Variants in PRKAR2A observed in about 807,000 individuals in gnomAD.
PRKAR2A encodes cAMP-dependent protein kinase type II-alpha regulatory subunit.
A neutral mutation model predicts 51.9 loss-of-function variants in PRKAR2A; 29 were observed. The ratio of observed to expected loss-of-function variants is 0.56; its 90% CI spans 0.42 to 0.76. The LOEUF is 0.76. Among genes scored for constraint, PRKAR2A ranks in the 30% least tolerant of loss-of-function variants. The pLI, the probability that PRKAR2A is intolerant of heterozygous loss-of-function variation, is 0.00. For missense variants in PRKAR2A, 445 were observed against 512.1 expected (o/e 0.87, Z 1.26); for synonymous variants, 178 against 186.2 (o/e 0.96, Z 0.36).
At chr3:48,784,208 A>G (rs886610994) in intron 4 of PRKAR2A, among the ~76,000 whole-genome samples, 6 of 152,192 alleles carry the variant, frequency 3.9e-5, no homozygotes, top group African/African-American at 9.7e-5. Context: ...GTCACTAAAG[A>G]ATACCAGGTT....
At chr3:48,815,094 A>T (rs1178638646) in intron 1 of PRKAR2A, among the ~76,000 whole-genome samples, 2 of 151,914 alleles carry the variant, frequency 1.3e-5, no homozygotes, top group Non-Finnish European at 2.9e-5. Flanking sequence ...TTGTATTTTC[A>T]GTAGAGACAG....
chr3:48,820,287 T>TA (rs1364517464), intron 1 of PRKAR2A, among the ~76,000 whole-genome samples: 1 of 152,162 alleles, frequency 6.6e-6, no homozygotes, highest in Non-Finnish European at 1.5e-5. Context: ...ACCAATGGAA[T>TA]AAGACACGGA....
At chr3:48,846,240 G>A (rs1384497149) in intron 1 of PRKAR2A, among the ~76,000 whole-genome samples, 2 of 149,040 alleles carry the variant, frequency 1.3e-5, no homozygotes, top group Non-Finnish European at 3.0e-5. Context: ...TTTTTGAGAC[G>A]GAGTTCGCTC....
At chr3:48,815,345 T>C (rs1229195757) in intron 1 of PRKAR2A, among the ~76,000 whole-genome samples, 1 of 149,822 alleles carries the variant, frequency 6.7e-6, no homozygotes, top group Non-Finnish European at 1.5e-5. Flanking sequence ...TTATATATTA[T>C]ATATATATAT....
chr3:48,820,157 C>T (rs532154272), intron 1 of PRKAR2A, among the ~76,000 whole-genome samples: 2 of 152,304 alleles, frequency 1.3e-5, no homozygotes, highest in Admixed American at 6.5e-5. Flanking sequence ...CAGAATAGCT[C>T]GCTCTTTAGT....
chr3:48,751,594 G>A lies in PRKAR2A; in HGVS notation c.1206C>T (p.Leu402=), dbSNP rs143784793. 1.9e-4 allele frequency: 308 copies of A among 1,611,974 alleles called. No individual in the cohort carries two copies. In the Middle Eastern group the frequency reaches 8.0e-3, roughly 42 times the overall value. The stretch of plus-strand genomic sequence containing the variant: ...CTGGGGTGTGGCACACCTACTGCCC[G>A]AGGTTGCCCAGATCCACGCTGGAGC... ...MFGSSVDLGN[L]GQ The change falls in exon 11 of 11, where the codon CTC becomes CTT. Residue 402 remains leucine (L), a synonymous_variant. Transcript: ENST00000265563.
intron 2 of PRKAR2A, among the ~76,000 whole-genome samples, chr3:48,794,689 C>T (rs888780707): frequency 5.3e-5 from 8 of 151,428 alleles, no homozygotes; most frequent in Middle Eastern, 3.4e-3. Context: ...AATGAGACTC[C>T]GTCTCAAAAA....
rs181953861 is a variant in PRKAR2A, at chr3:48,749,972, G to C, written c.*1613C>G. 1.3e-5 allele frequency: 2 copies of C among 150,860 alleles called. No individual in the cohort carries two copies. The highest frequency in any genetic ancestry group is 3.9e-4 in the East Asian group (2 of 5,144). 9.3% of individuals were successfully genotyped at this position (150,860 alleles called of 1,614,324 possible). On this transcript the variant is annotated 3_prime_UTR_variant, in exon 11 of 11. Transcript: ENST00000265563. The stretch of plus-strand genomic sequence containing the variant: ...TGCAGTGGCATGATCACAGCTCACT[G>C]TTGCCTTGACCTCCTGGGCTCAAGT...
chr3:48,833,315 T>C (rs1227164179), intron 1 of PRKAR2A, among the ~76,000 whole-genome samples: 1 of 152,154 alleles, frequency 6.6e-6, no homozygotes, highest in Admixed American at 6.5e-5. Context: ...ACCAAAATTA[T>C]AGGCGTGAGC....
At position 48,747,837 on chromosome 3, in the gene PRKAR2A, C is replaced by A. The variant is rs1478104244; in HGVS notation, c.*3748G>T. 1.3e-5 allele frequency: 2 copies of A among 152,232 alleles called. No homozygotes were observed. The highest frequency in any genetic ancestry group is 2.9e-5 in the Non-Finnish European group (2 of 68,056). The allele number at this position is 152,232 out of a possible 1,614,324, so 9.4% of individuals were successfully genotyped here. On this transcript the variant is annotated 3_prime_UTR_variant, in exon 11 of 11. Transcript: ENST00000265563. ...AAGGGATCTCTTTCCAACACATGCT[C>A]CTCTCCATGAGGCTCAACCGTCAGT... is the stretch of plus-strand genomic sequence containing the variant.
intron 1 of PRKAR2A, among the ~76,000 whole-genome samples, chr3:48,812,902 C>G (rs907519777): frequency 6.6e-6 from 1 of 152,128 alleles, no homozygotes; most frequent in African/African-American, 2.4e-5. Flanking sequence ...CAACTGTGTT[C>G]TACAGACAGC....
At chr3:48,775,805 G>A (rs2082096900) in intron 5 of PRKAR2A, among the ~76,000 whole-genome samples, 1 of 151,978 alleles carries the variant, frequency 6.6e-6, no homozygotes, top group East Asian at 1.9e-4. Context: ...ATATTATGGA[G>A]TCATTAAAAA....
chr3:48,823,965 G>A (rs757379093), intron 1 of PRKAR2A, among the ~76,000 whole-genome samples: 2 of 152,166 alleles, frequency 1.3e-5, no homozygotes, highest in Non-Finnish European at 2.9e-5. Flanking sequence ...GGTGGCTCAC[G>A]CCTGTAATCC....
At chr3:48,790,691 T>C in intron 3 of PRKAR2A, 64 bp from the exon 4 acceptor site, 1 of 1,037,832 alleles carries the variant, frequency 9.6e-7, no homozygotes, top group Non-Finnish European at 1.3e-6. Flanking sequence ...ACTTAAAGAT[T>C]GGTATATTTG....
intron 1 of PRKAR2A, among the ~76,000 whole-genome samples, chr3:48,825,824 T>A (rs1266603198): frequency 6.6e-6 from 1 of 152,190 alleles, no homozygotes; most frequent in Non-Finnish European, 1.5e-5. Context: ...TGTCACTAAC[T>A]GGTATACTTC....
chr3:48,815,471 C>T lies in PRKAR2A; in HGVS notation c.263-7787G>A, dbSNP rs1409876788. 2.7e-5 allele frequency among the ~76,000 whole-genome samples: 4 copies of T among 150,722 alleles called. No individual in the cohort carries two copies. The East Asian group carries it at 7.8e-4, about 29-fold the overall frequency. On this transcript the variant is annotated intron_variant, in intron 1 of 10. Transcript: ENST00000265563. ...CAGCACTTTGGGAGGCTGAGGCGGG[C>T]GGATCACGGGGTCAGGAGATTGAGA... is the stretch of plus-strand genomic sequence containing the variant.
intron 1 of PRKAR2A, among the ~76,000 whole-genome samples, chr3:48,829,576 A>G (rs1288510263): frequency 7.6e-5 from 3 of 39,434 alleles, no homozygotes; most frequent in African/African-American, 4.7e-4. Context: ...ACACATAAAT[A>G]TATATGTGTG....
chr3:48,811,614 T>C (rs778870861), intron 1 of PRKAR2A, among the ~76,000 whole-genome samples: 1 of 152,110 alleles, frequency 6.6e-6, no homozygotes, highest in African/African-American at 2.4e-5. Context: ...AGTTAACCCA[T>C]AGAGCCAACT....
intron 5 of PRKAR2A, among the ~76,000 whole-genome samples, chr3:48,773,339 CTTTTTTTTTTTTTTT>C (rs34140561): frequency 1.1e-5 from 1 of 87,660 alleles, no homozygotes; most frequent in Non-Finnish European, 2.1e-5. Flanking sequence ...ATTTTCTTTT[CTTTTTTTTTTTTTTT>C]TTTTTTTGAG....
Sources: allele counts gnomAD v4.1 joint callset (sites outside exome capture counted in the v4.1 genomes callset), GRCh38; gene constraint gnomAD v4.1.1; transcripts MANE v1.5; gene names NCBI Gene and HGNC (gene_info 2026-07-23, HGNC 2026-07-21).